CMC2: variants seen among roughly 807,000 people sequenced by gnomAD.
CMC2 encodes the protein C-X9-C motif containing 2.
A neutral mutation model predicts 7.5 loss-of-function variants in CMC2; 5 were observed. The observed-to-expected ratio is 0.66, with a 90% CI of 0.35 to 1.40. CMC2 has a LOEUF of 1.40. CMC2 is among the 40% of genes most tolerant of loss of function. CMC2 has a pLI of 0.04. For synonymous variants in CMC2, 37 were observed against 31.4 expected (o/e 1.18, Z -0.60); for missense variants, 115 against 92.3 (o/e 1.25, Z -1.01).
At chr16:80,984,963 T>G (rs1241965374) in intron 2 of CMC2, among the ~76,000 whole-genome samples, 1 of 152,184 alleles carries the variant, frequency 6.6e-6, no homozygotes, top group Non-Finnish European at 1.5e-5. Flanking sequence ...GAGTCTCTAG[T>G]GCCTGGTGTC....
At chr16:80,980,179 C>T (rs1055216366) in intron 3 of CMC2, among the ~76,000 whole-genome samples, 6 of 152,218 alleles carry the variant, frequency 3.9e-5, no homozygotes, top group Non-Finnish European at 7.3e-5. Flanking sequence ...CTCAGCCTCC[C>T]GAATAGCTGG....
chr16:81,000,453 G>A lies in CMC2; in HGVS notation c.-35-3024C>T, dbSNP rs368684819. 5.2e-4 allele frequency among the ~76,000 whole-genome samples: 79 copies of A among 152,118 alleles called. No homozygotes were observed. The East Asian group carries it at 6.2e-3, about 12-fold the overall frequency. On this transcript the variant is annotated intron_variant, in intron 1 of 3. Coordinates refer to ENST00000219400, the MANE Select transcript of CMC2 (RefSeq NM_020188.5). The stretch of plus-strand genomic sequence containing the variant: ...GGAGGTTGCAGTGAGCCAAGATGGC[G>A]CCACTGCACTCCAGCCTAGGTAACA...
intron 2 of CMC2, among the ~76,000 whole-genome samples, chr16:80,991,423 C>A (rs566703285): frequency 6.6e-6 from 1 of 152,094 alleles, no homozygotes; most frequent in South Asian, 2.1e-4. Context: ...TTGCTTGAGC[C>A]CAGGAGTTCA....
chr16:80,976,959 A>G (rs920228826), intron 3 of CMC2, among the ~76,000 whole-genome samples: 1 of 152,228 alleles, frequency 6.6e-6, no homozygotes, highest in Non-Finnish European at 1.5e-5. Context: ...TACCAAAAAA[A>G]AAAATCACAA....
At chr16:80,979,199 C>T (rs1178570196) in intron 3 of CMC2, among the ~76,000 whole-genome samples, 1 of 152,110 alleles carries the variant, frequency 6.6e-6, no homozygotes, top group Non-Finnish European at 1.5e-5. Flanking sequence ...TACATGAGTG[C>T]AGACTCAGAG....
At chr16:81,006,609 G>A (rs1268244265) in intron 1 of CMC2, 125 bp downstream of exon 1, 2 of 702,372 alleles carry the variant, frequency 2.8e-6, no homozygotes, top group East Asian at 1.3e-4. Context: ...CGGCAGCCGG[G>A]TCTTCCTGGT....
At chr16:80,993,230 G>A (rs1342477117) in intron 2 of CMC2, among the ~76,000 whole-genome samples, 1 of 152,120 alleles carries the variant, frequency 6.6e-6, no homozygotes, top group African/African-American at 2.4e-5. Context: ...CAGATATTGG[G>A]ACAACAGACT....
Position 80,976,029 on chromosome 16 carries a change from T to C in CMC2, c.*64A>G. ...ATGGAGACCAAATAAGACAGGATTC[T>C]TTCAGGTATCAACCCAGAGTCTTTA... On this transcript the variant is annotated 3_prime_UTR_variant, in exon 4 of 4. Coordinates refer to ENST00000219400, the MANE Select transcript of CMC2 (RefSeq NM_020188.5). 1 of 888,534 alleles carries C rather than the reference T, an allele frequency of 1.1e-6. No homozygotes were observed. Among genetic ancestry groups the C allele is most frequent in the South Asian group, 1.4e-5 (1 of 73,972 alleles). 55.0% of individuals were successfully genotyped at this position (888,534 alleles called of 1,614,324 possible). A position where few individuals can be genotyped will look rare whatever the true frequency, so the allele number is the denominator to read the frequency against.
At position 80,971,835 on chromosome 16, in the gene CMC2, G is replaced by C. The variant is rs975274135; in HGVS notation, c.*4258C>G. On this transcript the variant is annotated 3_prime_UTR_variant, in exon 4 of 4. Transcript: ENST00000219400. The stretch of plus-strand genomic sequence containing the variant: ...GTTTTCTGTAAACCTGAAACATTTT[G>C]TCATAAAAAAGAATAGCATTAATAC... 6.6e-6 allele frequency: 1 copy of C among 151,952 alleles called. No homozygotes were observed. Among genetic ancestry groups the C allele is most frequent in the African/African-American group, 2.4e-5 (1 of 41,326 alleles). 9.4% of individuals were successfully genotyped at this position (151,952 alleles called of 1,614,324 possible).
At chr16:80,995,053 G>A (rs1968298156) in intron 2 of CMC2, among the ~76,000 whole-genome samples, 1 of 152,162 alleles carries the variant, frequency 6.6e-6, no homozygotes, top group Non-Finnish European at 1.5e-5. Flanking sequence ...GGCTGAGGCA[G>A]GAGAATTGCT....
At chr16:80,987,285 T>A (rs1477352763) in intron 2 of CMC2, among the ~76,000 whole-genome samples, 1 of 152,180 alleles carries the variant, frequency 6.6e-6, no homozygotes, top group Non-Finnish European at 1.5e-5. Flanking sequence ...CATTTCAAAA[T>A]GCTAATAAGA....
At chr16:81,001,457 G>A (rs375501737) in intron 1 of CMC2, 1 of 152,160 alleles carries the variant, frequency 6.6e-6, no homozygotes. Flanking sequence ...TTACCAGAGG[G>A]AGGTGGAAGG....
chr16:80,983,414 G>A (rs1474824381), intron 2 of CMC2: 3 of 152,292 alleles, frequency 2.0e-5, no homozygotes, highest in East Asian at 1.9e-4. Flanking sequence ...CTTAATGATA[G>A]GGAAGCCTAC....
At chr16:81,003,894 G>C (rs1020085319) in intron 1 of CMC2, among the ~76,000 whole-genome samples, 3 of 152,278 alleles carry the variant, frequency 2.0e-5, no homozygotes, top group East Asian at 3.9e-4. Context: ...ATTTGCTCTT[G>C]ACCTATATAT....
rs1400950718 is a variant in CMC2 at position 80,976,073 on chromosome 16, G to A, written c.*20C>T. 2 of 1,418,776 alleles carry A rather than the reference G, an allele frequency of 1.4e-6. No individual in the cohort carries two copies. Among genetic ancestry groups the A allele is most frequent in the Admixed American group, 1.7e-5 (1 of 59,706 alleles). 87.9% of individuals were successfully genotyped at this position (1,418,776 alleles called of 1,614,324 possible). ...GTCTTTAGGTCTTCTCTCAGCCAAG[G>A]CATCGAGTGAAAATACAATTTATTT... On this transcript the variant is annotated 3_prime_UTR_variant, in exon 4 of 4. Transcript: ENST00000219400.
At chr16:80,978,068 G>A (rs76172104) in intron 3 of CMC2, among the ~76,000 whole-genome samples, 5,215 of 88,292 alleles carry the variant, frequency 0.059, 114 homozygotes, top group African/African-American at 0.071. Flanking sequence ...GTGAGACTTC[G>A]TCTCAAAAAA....
chr16:80,977,989 T>C (rs555233417), intron 3 of CMC2, among the ~76,000 whole-genome samples: 8 of 151,376 alleles, frequency 5.3e-5, no homozygotes, highest in African/African-American at 1.2e-4. Flanking sequence ...GGAGAATCAC[T>C]TGAATCCAGA....
Position 80,972,304 on chromosome 16 carries a change from G to A in CMC2, c.*3789C>T, listed in dbSNP as rs1001106968. The A allele has an allele frequency of 6.6e-6, 1 of 152,172 alleles. No individual in the cohort carries two copies. The highest frequency in any genetic ancestry group is 1.5e-5 in the Non-Finnish European group (1 of 68,038). 9.4% of individuals were successfully genotyped at this position (152,172 alleles called of 1,614,324 possible). A position where few individuals can be genotyped will look rare whatever the true frequency, so the allele number is the denominator to read the frequency against. On this transcript the variant is annotated 3_prime_UTR_variant, in exon 4 of 4. Transcript: ENST00000219400. ...AAGGGGCACAAATTTCAATATCAGG[G>A]TTTCAATATCAGGGTGTAGTGAAAG...
intron 1 of CMC2, 32 bp downstream of exon 1, chr16:81,006,702 C>T: frequency 1.0e-6 from 1 of 985,354 alleles, no homozygotes; most frequent in Non-Finnish European, 1.2e-6. Flanking sequence ...CAACGGAACG[C>T]GTTCGGAACG....
Sources: allele counts gnomAD v4.1 joint callset (sites outside exome capture counted in the v4.1 genomes callset), GRCh38; gene constraint gnomAD v4.1.1; transcripts MANE v1.5; gene names NCBI Gene and HGNC (gene_info 2026-07-23, HGNC 2026-07-21).